The following PDE11A variants were observed in gnomAD, a reference collection of about 807,000 sequenced individuals.
The protein encoded by PDE11A is phosphodiesterase 11A, also known as dual 3',5'-cyclic-AMP and -GMP phosphodiesterase 11A.
PDE11A carries 100 observed loss-of-function variants against 100.5 expected under a neutral mutation model. That is an observed-to-expected ratio of 1.00 (90% CI 0.85 to 1.18). The LOEUF (loss-of-function observed/expected upper bound fraction) is 1.18. PDE11A is among the 50% of genes most tolerant of loss of function. The pLI is 0.00. For missense variants in PDE11A, 1,141 were observed against 1,152.6 expected (o/e 0.99, Z 0.15); for synonymous variants, 381 against 420.8 (o/e 0.91, Z 1.16).
At chr2:177,746,482 A>G (rs2081949920) in intron 10 of PDE11A, among the ~76,000 whole-genome samples, 1 of 152,208 alleles carries the variant, frequency 6.6e-6, no homozygotes, top group Non-Finnish European at 1.5e-5. Flanking sequence ...CTGTAGAAAC[A>G]ATGAAAATGA....
At chr2:177,937,029 T>C (rs1267648529) in intron 2 of PDE11A, among the ~76,000 whole-genome samples, 1 of 152,190 alleles carries the variant, frequency 6.6e-6, no homozygotes, top group Non-Finnish European at 1.5e-5. Context: ...GCTGTTGAAC[T>C]GTGTGGACTA....
At chr2:177,786,113 G>A (rs947360924) in intron 9 of PDE11A, among the ~76,000 whole-genome samples, 1 of 152,198 alleles carries the variant, frequency 6.6e-6, no homozygotes. Context: ...CCTGACCCCT[G>A]AGCAGCCTAA....
chr2:177,784,362 C>T (rs1199231167), intron 9 of PDE11A, among the ~76,000 whole-genome samples: 1 of 151,840 alleles, frequency 6.6e-6, no homozygotes, highest in African/African-American at 2.4e-5. Context: ...TAACAGTTTA[C>T]AATTACAATT....
intron 10 of PDE11A, among the ~76,000 whole-genome samples, chr2:177,759,580 T>C (rs2082141707): frequency 6.6e-6 from 1 of 152,192 alleles, no homozygotes. Flanking sequence ...GGGACTACTC[T>C]TTTTCCTTTG....
At chr2:177,918,626 G>C (rs935249190) in intron 2 of PDE11A, among the ~76,000 whole-genome samples, 1 of 152,108 alleles carries the variant, frequency 6.6e-6, no homozygotes, top group African/African-American at 2.4e-5. Flanking sequence ...AAACAGAAGT[G>C]ATCAAGGAAA....
At chr2:178,072,968 T>C, upstream of PDE11A, 4 of 985,362 alleles carry the variant, frequency 4.1e-6, no homozygotes, top group Non-Finnish European at 4.8e-6. Context: ...ACAGGACTCC[T>C]GATTGGAACA....
intron 19 of PDE11A, among the ~76,000 whole-genome samples, chr2:177,644,650 T>A (rs186831854): frequency 3.3e-5 from 5 of 152,260 alleles, no homozygotes; most frequent in Non-Finnish European, 7.4e-5. Flanking sequence ...GAAAACATGA[T>A]TGGTTTTGAA....
intron 10 of PDE11A, among the ~76,000 whole-genome samples, chr2:177,743,538 T>A (rs894600879): frequency 3.9e-5 from 6 of 152,176 alleles, no homozygotes; most frequent in African/African-American, 1.4e-4. Context: ...GGTAGAGATG[T>A]CAGGAAAATC....
intron 4 of PDE11A, among the ~76,000 whole-genome samples, chr2:177,882,283 G>A (rs2084355935): frequency 6.6e-6 from 1 of 152,192 alleles, no homozygotes; most frequent in African/African-American, 2.4e-5. Context: ...AGAGAAAATT[G>A]TTTATAGTCA....
chr2:177,626,923 C>G lies in PDE11A; in HGVS notation c.*2484G>C, dbSNP rs1419683906. On this transcript the variant is annotated 3_prime_UTR_variant, in exon 20 of 20. Transcript: ENST00000286063. ...CCTTTTTTTTTTTTTTTTCATTTCC[C>G]TTAACCACCTGTCTCGGTCCCTGTC... The G allele has an allele frequency of 1.5e-5, 2 of 137,862 alleles. No individual in the cohort carries two copies. The highest frequency in any genetic ancestry group is 3.6e-3 in the Middle Eastern group (1 of 280). The allele number at this position is 137,862 out of a possible 1,614,324, so 8.5% of individuals were successfully genotyped here. A position where few individuals can be genotyped will look rare whatever the true frequency, so the allele number is the denominator to read the frequency against.
chr2:177,629,241 C>T lies in PDE11A; in HGVS notation c.*166G>A. The T allele has an allele frequency of 1.4e-6, 1 of 702,864 alleles. No individual in the cohort carries two copies. Among genetic ancestry groups the T allele is most frequent in the South Asian group, 1.6e-5 (1 of 63,210 alleles). 43.5% of individuals were successfully genotyped at this position (702,864 alleles called of 1,614,324 possible). The stretch of plus-strand genomic sequence containing the variant: ...CTCTTTCTTTGTCCTTCCCGTTGCT[C>T]TCTCTGCTGCTGACCATGCTTCAAG... On this transcript the variant is annotated 3_prime_UTR_variant, in exon 20 of 20. Transcript: ENST00000286063.
chr2:178,009,108 G>T (rs937086239), intron 2 of PDE11A, among the ~76,000 whole-genome samples: 2 of 152,160 alleles, frequency 1.3e-5, no homozygotes, highest in African/African-American at 2.4e-5. Flanking sequence ...CCATTTCCCA[G>T]GTTTATGCTG....
intron 17 of PDE11A, among the ~76,000 whole-genome samples, chr2:177,671,181 A>G (rs2080673849): frequency 1.3e-5 from 2 of 152,194 alleles, no homozygotes; most frequent in South Asian, 4.1e-4. Context: ...GGAGTCCTGC[A>G]TAGGTCTGTA....
intron 19 of PDE11A, among the ~76,000 whole-genome samples, chr2:177,634,620 C>T (rs1198843414): frequency 6.6e-6 from 1 of 152,100 alleles, no homozygotes; most frequent in East Asian, 1.9e-4. Flanking sequence ...CGTCTCCTGA[C>T]CTCGTGATCC....
At chr2:177,999,002 C>T (rs2086111411) in intron 2 of PDE11A, among the ~76,000 whole-genome samples, 1 of 152,144 alleles carries the variant, frequency 6.6e-6, no homozygotes. Flanking sequence ...CTCATAGAGA[C>T]AATAATTTCT....
At chr2:178,042,888 G>A (rs1361904140) in intron 1 of PDE11A, among the ~76,000 whole-genome samples, 5 of 152,196 alleles carry the variant, frequency 3.3e-5, no homozygotes, top group Non-Finnish European at 4.4e-5. Flanking sequence ...CTGCAAAGCT[G>A]CTCTGTATTA....
At chr2:177,844,680 C>A (rs1392363673) in intron 5 of PDE11A, among the ~76,000 whole-genome samples, 3 of 151,408 alleles carry the variant, frequency 2.0e-5, no homozygotes, top group African/African-American at 7.3e-5. Flanking sequence ...GCAGAGGACC[C>A]TGCGGCCTTC....
rs374079378 is a variant in PDE11A at position 177,728,036 on chromosome 2, A to G, written c.1925T>C (p.Ile642Thr). ...AGACAGACATCTTACCTCATAGTCA[A>G]TTTTAAATTTCTGTACCATCCCCAG... ...MELGMVQKFKIDYETLCRWLL... is the reference protein window; with the variant it reads ...MELGMVQKFKTDYETLCRWLL... Residue 642 changes from isoleucine to threonine, a missense_variant, in exon 11 of 20, where the codon ATT becomes ACT. Ile to Thr is a moderately conservative substitution (Grantham distance 89). Transcript: ENST00000286063. 5.0e-6 allele frequency: 8 copies of G among 1,613,164 alleles called. No individual in the cohort carries two copies. Among genetic ancestry groups the G allele is most frequent in the East Asian group, 2.2e-5 (1 of 44,862 alleles).
chr2:178,086,852 T>C (rs762744909), intron 2 of PDE11A, among the ~76,000 whole-genome samples: 4 of 152,188 alleles, frequency 2.6e-5, no homozygotes, highest in Non-Finnish European at 4.4e-5. Flanking sequence ...GGACTAACAC[T>C]AACTGTTTGA....
Sources: gnomAD v4.1 joint callset for allele counts (sites outside exome capture counted in the v4.1 genomes callset) on GRCh38, gnomAD v4.1.1 for gene constraint, MANE v1.5 for transcripts, NCBI Gene and HGNC (gene_info 2026-07-23, HGNC 2026-07-21) for gene names.